Variants in UBR2 observed in about 807,000 individuals in gnomAD.
The protein encoded by UBR2 is E3 ubiquitin-protein ligase UBR2.
UBR2 carries 92 observed loss-of-function variants against 247.9 expected under a neutral mutation model. That is an observed-to-expected ratio of 0.37 (90% CI 0.31 to 0.44). The LOEUF is 0.44. UBR2 is among the 20% of genes least tolerant of loss of function. The pLI, the probability that UBR2 is intolerant of heterozygous loss-of-function variation, is 1.00. For synonymous variants in UBR2, 672 were observed against 693.5 expected (o/e 0.97, Z 0.49); for missense variants, 1,613 against 2,112.6 (o/e 0.76, Z 4.64).
chr6:42,636,673 G>T (rs1002690371), intron 14 of UBR2, among the ~76,000 whole-genome samples: 1 of 152,132 alleles, frequency 6.6e-6, no homozygotes, highest in Non-Finnish European at 1.5e-5. Context: ...ATAGAGAGAC[G>T]CTTGGCAATG....
intron 25 of UBR2, among the ~76,000 whole-genome samples, chr6:42,653,434 C>G (rs1797237127): frequency 6.6e-6 from 1 of 151,904 alleles, no homozygotes; most frequent in African/African-American, 2.4e-5. Flanking sequence ...CGTACACTAT[C>G]TCATTGAATT....
intron 11 of UBR2, among the ~76,000 whole-genome samples, chr6:42,629,006 G>C (rs1795525959): frequency 6.6e-6 from 1 of 151,818 alleles, no homozygotes; most frequent in African/African-American, 2.4e-5. Flanking sequence ...AATATAATCA[G>C]GGGTTTTTTT....
At chr6:42,653,769 C>T (rs1797265584) in intron 25 of UBR2, among the ~76,000 whole-genome samples, 1 of 151,828 alleles carries the variant, frequency 6.6e-6, no homozygotes, top group Admixed American at 6.6e-5. Context: ...GTGCCTGTCA[C>T]GAAGCCCAGC....
At chr6:42,611,930 AG>A (rs1794118981) in intron 7 of UBR2, among the ~76,000 whole-genome samples, 1 of 151,628 alleles carries the variant, frequency 6.6e-6, no homozygotes, top group Non-Finnish European at 1.5e-5. Flanking sequence ...AAAAAAAAAA[AG>A]ATTCAGATTA....
intron 24 of UBR2, 151 bp downstream of exon 24, chr6:42,652,222 ATGTTAACACAGAAATAG>A: frequency 1.2e-6 from 1 of 852,340 alleles, no homozygotes; most frequent in South Asian, 1.9e-5. Flanking sequence ...AATAATAAAT[ATGTTAACACAGAAATAG>A]TTTGTGCTAA....
At chr6:42,582,317 T>C (rs1791964527) in intron 2 of UBR2, among the ~76,000 whole-genome samples, 1 of 150,534 alleles carries the variant, frequency 6.6e-6, no homozygotes, top group Non-Finnish European at 1.5e-5. Flanking sequence ...TTTAGGAATG[T>C]AAGAAAATTA....
intron 1 of UBR2, among the ~76,000 whole-genome samples, chr6:42,571,020 T>C (rs1791092917): frequency 6.6e-6 from 1 of 150,610 alleles, no homozygotes; most frequent in Non-Finnish European, 1.5e-5. Context: ...AAGCTGATAC[T>C]AGCGTCTGAA....
rs200736334 is a variant in UBR2 at position 42,676,887 on chromosome 6, C to T, written c.4478+14C>T. 1 of 1,583,574 alleles carries T rather than the reference C, an allele frequency of 6.3e-7. No homozygotes were observed. Among genetic ancestry groups the T allele is most frequent in the African/African-American group, 1.3e-5 (1 of 74,384 alleles). On this transcript the variant is annotated intron_variant, in intron 40 of 46. Transcript: ENST00000372901. Reference sequence around the variant, plus strand: ...GTATACGGGAAGGTGAGTTAGTTATCTTTACATAACGCATTTCCCTAAATA... The same window carrying T: ...GTATACGGGAAGGTGAGTTAGTTATTTTTACATAACGCATTTCCCTAAATA...
At chr6:42,578,242 C>A (rs111825818) in intron 2 of UBR2, among the ~76,000 whole-genome samples, 3,313 of 152,150 alleles carry the variant, frequency 0.022, 110 homozygotes, top group African/African-American at 0.075. Flanking sequence ...TTTTTTGACA[C>A]CATCTTATGT....
chr6:42,605,575 C>A, intron 5 of UBR2, 146 bp from the exon 6 acceptor site: 2 of 591,654 alleles, frequency 3.4e-6, no homozygotes, highest in Admixed American at 3.7e-5. Flanking sequence ...TGTAGTATCA[C>A]AGAGCATAGG....
intron 38 of UBR2, among the ~76,000 whole-genome samples, chr6:42,674,418 CTGAGGT>C (rs1254235192): frequency 3.9e-5 from 6 of 152,158 alleles, no homozygotes; most frequent in African/African-American, 1.4e-4. Flanking sequence ...TGCTTTATGG[CTGAGGT>C]TAGTATTTTA....
Position 42,594,174 on chromosome 6 carries a change from T to G in UBR2, c.418-17T>G. ...GTAAATATTTATTGACAAGATACTT[T>G]ACAATTTTTTTCCAAGATGACAACA... On this transcript the variant is annotated splice_polypyrimidine_tract_variant and intron_variant, in intron 3 of 46. Coordinates refer to ENST00000372901, the MANE Select transcript of UBR2 (RefSeq NM_001363705.2). The G allele has an allele frequency of 1.9e-6, 3 of 1,589,746 alleles. No homozygotes were observed. Among genetic ancestry groups the G allele is most frequent in the Middle Eastern group, 3.3e-4 (2 of 6,008 alleles).
At chr6:42,648,020 A>G in intron 21 of UBR2, 98 bp from the exon 22 acceptor site, 2 of 899,288 alleles carry the variant, frequency 2.2e-6, no homozygotes, top group Non-Finnish European at 3.6e-6. Flanking sequence ...AGGTGTATCT[A>G]CCTTAGGTTG....
chr6:42,686,813 G>A lies in UBR2; in HGVS notation c.4854-1403G>A, dbSNP rs534351455. Among the ~76,000 whole-genome samples the A allele has an allele frequency of 1.7e-3, 262 of 152,050 alleles. No individual in the cohort carries two copies. The Middle Eastern group carries it at 0.021, about 12-fold the overall frequency. ...ACGCTCCTCACTTCCCAGACGGGGCGGCTGCCGGGCGGAGGGGCTCCTCAC... is the reference window on the plus strand; with the variant it reads ...ACGCTCCTCACTTCCCAGACGGGGCAGCTGCCGGGCGGAGGGGCTCCTCAC... On this transcript the variant is annotated intron_variant, in intron 44 of 46. Transcript: ENST00000372901.
chr6:42,611,731 C>A (rs2151934722), intron 7 of UBR2, among the ~76,000 whole-genome samples: 1 of 151,854 alleles, frequency 6.6e-6, no homozygotes, highest in African/African-American at 2.4e-5. Flanking sequence ...CATAGTGAAA[C>A]CCTGTCTCTA....
chr6:42,589,510 C>A (rs935912262), intron 2 of UBR2, among the ~76,000 whole-genome samples: 1 of 152,122 alleles, frequency 6.6e-6, no homozygotes, highest in Non-Finnish European at 1.5e-5. Context: ...GCGACGCTGG[C>A]CTAATAGAAT....
chr6:42,625,089 A>G (rs923697797), intron 11 of UBR2, among the ~76,000 whole-genome samples: 1 of 152,232 alleles, frequency 6.6e-6, no homozygotes, highest in African/African-American at 2.4e-5. Context: ...GGAGTCAATT[A>G]TATCAGATTT....
In UBR2 at chr6:42,652,124, A is replaced by G. The variant is rs555445400; in HGVS notation, c.2614+53A>G. The G allele has an allele frequency of 4.7e-6, 7 of 1,499,216 alleles. No homozygotes were observed. In the African/African-American group the frequency reaches 1.0e-4, roughly 21 times the overall value. The allele number at this position is 1,499,216 out of a possible 1,614,324, so 92.9% of individuals were successfully genotyped here. A position where few individuals can be genotyped will look rare whatever the true frequency, so the allele number is the denominator to read the frequency against. On this transcript the variant is annotated intron_variant, in intron 24 of 46. Transcript: ENST00000372901. The stretch of plus-strand genomic sequence containing the variant: ...TGCCCATCTTTTTTGCTTGTTAAAC[A>G]TTGTTTTCTGTTAACTATGATGATT...
chr6:42,599,531 T>C (rs1400814899), intron 4 of UBR2, among the ~76,000 whole-genome samples: 1 of 152,244 alleles, frequency 6.6e-6, no homozygotes, highest in Non-Finnish European at 1.5e-5. Context: ...CCAGTAATGA[T>C]GCTCTTAACA....
Sources: allele counts gnomAD v4.1 joint callset (sites outside exome capture counted in the v4.1 genomes callset), GRCh38; gene constraint gnomAD v4.1.1; transcripts MANE v1.5; gene names NCBI Gene and HGNC (gene_info 2026-07-23, HGNC 2026-07-21).